The following BRD10 variants were observed in gnomAD, a reference collection of about 807,000 sequenced individuals.
BRD10 encodes the protein uncharacterized bromodomain-containing protein 10.
At chr9:5,882,540 C>T in the BRD10 span, among the ~76,000 whole-genome samples, 1 of 152,202 alleles carries the variant, frequency 6.6e-6, no homozygotes, top group East Asian at 1.9e-4. Context: ...TGCACAAAGG[C>T]CATCACAACC....
At chr9:6,002,210 G>C in the BRD10 span, among the ~76,000 whole-genome samples, 1 of 152,142 alleles carries the variant, frequency 6.6e-6, no homozygotes, top group South Asian at 2.1e-4. Context: ...CCAAACCCTA[G>C]AACAAAACAG....
At chr9:5,949,906 T>G in the BRD10 span, among the ~76,000 whole-genome samples, 1 of 152,146 alleles carries the variant, frequency 6.6e-6, no homozygotes, top group African/African-American at 2.4e-5. Flanking sequence ...TTTCTTTGAT[T>G]ACAAAACAGA....
At chr9:5,965,302 G>A in the BRD10 span, among the ~76,000 whole-genome samples, 3 of 151,448 alleles carry the variant, frequency 2.0e-5, no homozygotes, top group African/African-American at 7.3e-5. Context: ...AAAAAAAGCT[G>A]TGTTAAAATA....
the BRD10 span, among the ~76,000 whole-genome samples, chr9:5,938,718 C>CTT: frequency 0.26 from 38,864 of 151,964 alleles, 5,199 homozygotes; most frequent in South Asian, 0.36. Context: ...TTTTAAAAGA[C>CTT]AGTGTAACTA....
chr9:6,003,531 T>G, the BRD10 span, among the ~76,000 whole-genome samples: 1 of 152,198 alleles, frequency 6.6e-6, no homozygotes. Flanking sequence ...AGAATAGATA[T>G]GTTATCTAAC....
At chr9:5,941,608 T>G in the BRD10 span, among the ~76,000 whole-genome samples, 1 of 152,160 alleles carries the variant, frequency 6.6e-6, no homozygotes, top group Non-Finnish European at 1.5e-5. Context: ...AAAGCATTTT[T>G]CTCTTCACAT....
the BRD10 span, among the ~76,000 whole-genome samples, chr9:5,879,332 G>A: frequency 6.6e-6 from 1 of 151,802 alleles, no homozygotes; most frequent in African/African-American, 2.4e-5. Context: ...GTGTGATGGT[G>A]CACTCCAGCC....
chr9:5,926,205 T>C, the BRD10 span, among the ~76,000 whole-genome samples: 3 of 152,110 alleles, frequency 2.0e-5, no homozygotes, highest in Non-Finnish European at 4.4e-5. Flanking sequence ...CGTGAATCAC[T>C]GCGCCTGGCC....
chr9:5,909,996 A>T, the BRD10 span: 2 of 152,220 alleles, frequency 1.3e-5, no homozygotes, highest in African/African-American at 4.8e-5. Context: ...CATTTTCCAT[A>T]GTAGAGGATA....
the BRD10 span, among the ~76,000 whole-genome samples, chr9:5,918,373 G>A: frequency 6.6e-6 from 1 of 152,188 alleles, no homozygotes; most frequent in Non-Finnish European, 1.5e-5. Context: ...AGTAGCTCAA[G>A]ATAATGGATA....
the BRD10 span, among the ~76,000 whole-genome samples, chr9:6,006,977 G>A: frequency 6.6e-6 from 1 of 152,124 alleles, no homozygotes; most frequent in Non-Finnish European, 1.5e-5. Flanking sequence ...CTGCAGACTC[G>A]GGTTTCCTTC....
chr9:5,981,880 T>C, the BRD10 span, among the ~76,000 whole-genome samples: 6 of 152,218 alleles, frequency 3.9e-5, no homozygotes, highest in South Asian at 2.1e-4. Context: ...CGTAAATAAA[T>C]GGAAACAGAA....
the BRD10 span, among the ~76,000 whole-genome samples, chr9:5,951,793 TTAA>T: frequency 0.04 from 6,108 of 152,186 alleles, 323 homozygotes; most frequent in South Asian, 0.12. Flanking sequence ...TCCTATTTTA[TTAA>T]TGTGTGTATT....
the BRD10 span, among the ~76,000 whole-genome samples, chr9:5,961,977 C>T: frequency 6.6e-6 from 1 of 152,054 alleles, no homozygotes; most frequent in Non-Finnish European, 1.5e-5. Flanking sequence ...TCTCTATTTC[C>T]TTCAGTTCTG....
chr9:5,912,373 G>C, the BRD10 span, among the ~76,000 whole-genome samples: 5 of 151,992 alleles, frequency 3.3e-5, no homozygotes, highest in Admixed American at 3.3e-4. Context: ...TTGTCTGATT[G>C]GTTTAGCTAG....
At chr9:5,922,958 T>G in the BRD10 span, 1 of 1,614,034 alleles carries the variant, frequency 6.2e-7, no homozygotes. Context: ...ATTCCCAATA[T>G]TCTTTGCAAG....
chr9:5,950,874 C>A, the BRD10 span, among the ~76,000 whole-genome samples: 1 of 151,880 alleles, frequency 6.6e-6, no homozygotes, highest in East Asian at 1.9e-4. Context: ...ATACCTAATA[C>A]AATATAGTTG....
the BRD10 span, among the ~76,000 whole-genome samples, chr9:5,894,786 T>C: frequency 6.6e-6 from 1 of 152,162 alleles, no homozygotes; most frequent in African/African-American, 2.4e-5. The surrounding 1 kb of genome is among the most constrained non-coding windows in gnomAD (Gnocchi z 4.0). Context: ...TAGAGTACTC[T>C]AATGGGAGCC....
At chr9:5,982,929 T>C in the BRD10 span, among the ~76,000 whole-genome samples, 2 of 152,236 alleles carry the variant, frequency 1.3e-5, no homozygotes, top group Non-Finnish European at 2.9e-5. Context: ...TATTGTATTT[T>C]AAATTTTGAA....
Sources: gnomAD v4.1 joint callset for allele counts (sites outside exome capture counted in the v4.1 genomes callset) on GRCh38, gnomAD v4.1.1 for gene constraint, Gnocchi (gnomAD v3.1) non-coding constraint, MANE v1.5 for transcripts, NCBI Gene and HGNC (gene_info 2026-07-23, HGNC 2026-07-21) for gene names.